SNW1: variants seen among roughly 807,000 people sequenced by gnomAD.
The protein encoded by SNW1 is SNW domain-containing protein 1.
Under a neutral mutation model 75.6 loss-of-function variants are expected in SNW1, and 9 were observed. The observed-to-expected ratio is 0.12, with a 90% CI of 0.07 to 0.21. The LOEUF (loss-of-function observed/expected upper bound fraction) is 0.21, where lower values mean the gene tolerates loss of function less well. SNW1 is among the 10% of genes least tolerant of loss of function. The pLI is 1.00. For missense variants in SNW1, 409 were observed against 670.9 expected, an observed-to-expected ratio of 0.61 and a Z score of 4.31; for synonymous variants, 200 against 219.1, an observed-to-expected ratio of 0.91 and a Z score of 0.77.
At chr14:77,738,683 T>C (rs1041003338) in intron 5 of SNW1, 95 bp downstream of exon 5, 1 of 817,160 alleles carries the variant, frequency 1.2e-6, no homozygotes, top group Non-Finnish European at 2.0e-6. Context: ...AATGCATTTA[T>C]AATGGTTGCT....
intron 3 of SNW1, among the ~76,000 whole-genome samples, chr14:77,743,135 G>A (rs1043732956): frequency 3.3e-5 from 5 of 151,614 alleles, no homozygotes; most frequent in Non-Finnish European, 4.4e-5. Context: ...TGAGGCAGGA[G>A]AATCACTTGA....
chr14:77,759,616 C>T (rs907131220), intron 1 of SNW1, among the ~76,000 whole-genome samples: 2 of 152,184 alleles, frequency 1.3e-5, no homozygotes, highest in African/African-American at 4.8e-5. Flanking sequence ...CATAACTTTA[C>T]TAGTCTATGA....
chr14:77,732,385 T>C, intron 9 of SNW1, 100 bp downstream of exon 9: 1 of 734,886 alleles, frequency 1.4e-6, no homozygotes. Flanking sequence ...TGAGACTCTC[T>C]TTGGGTGCTC....
At chr14:77,724,661 T>C (rs145751756) in intron 10 of SNW1, among the ~76,000 whole-genome samples, 7 of 152,316 alleles carry the variant, frequency 4.6e-5, no homozygotes, top group Non-Finnish European at 7.3e-5. Flanking sequence ...GTTCCATCCA[T>C]ATTGTTGCAA....
At position 77,734,934 on chromosome 14, in the gene SNW1, A is replaced by C; in HGVS notation, c.774+13T>G. On this transcript the variant is annotated intron_variant, in intron 8 of 13. Coordinates refer to ENST00000261531, the MANE Select transcript of SNW1 (RefSeq NM_012245.3). ...GGTTATACTAATAGAGACTGATTTGACAACTTAATTACCTTTGCATTTTTC... is the reference window on the plus strand; with the variant it reads ...GGTTATACTAATAGAGACTGATTTGCCAACTTAATTACCTTTGCATTTTTC... 3.2e-6 allele frequency: 5 copies of C among 1,584,070 alleles called. No homozygotes were observed. Among genetic ancestry groups the C allele is most frequent in the Non-Finnish European group, 4.3e-6 (5 of 1,153,252 alleles).
intron 10 of SNW1, among the ~76,000 whole-genome samples, chr14:77,724,723 T>C (rs183566054): frequency 2.4e-4 from 36 of 152,358 alleles, no homozygotes; most frequent in African/African-American, 3.8e-4. Context: ...ATTGTGTATA[T>C]AGACCACATT....
chr14:77,727,855 T>G, intron 10 of SNW1, among the ~76,000 whole-genome samples: 1 of 152,214 alleles, frequency 6.6e-6, no homozygotes, highest in South Asian at 2.1e-4. Flanking sequence ...GGTTTTCTTT[T>G]TTGTTGTATA....
intron 1 of SNW1, 148 bp downstream of exon 1, chr14:77,760,966 G>A: frequency 6.4e-7 from 1 of 1,572,350 alleles, no homozygotes; most frequent in Non-Finnish European, 8.7e-7. Context: ...AGTCGTAGCG[G>A]CGGCCAGCGG....
chr14:77,732,704 A>G, intron 8 of SNW1, 103 bp from the exon 9 acceptor site: 2 of 706,170 alleles, frequency 2.8e-6, no homozygotes, highest in Non-Finnish European at 4.8e-6. Flanking sequence ...TTGCTCTGTC[A>G]CCCTGGCTGG....
intron 8 of SNW1, among the ~76,000 whole-genome samples, chr14:77,732,875 G>A (rs1255597133): frequency 6.6e-6 from 1 of 152,188 alleles, no homozygotes. Flanking sequence ...TGTTGGCCAG[G>A]ATGGTTTTGA....
At chr14:77,726,419 A>G (rs764123526) in intron 10 of SNW1, among the ~76,000 whole-genome samples, 1 of 152,150 alleles carries the variant, frequency 6.6e-6, no homozygotes, top group Non-Finnish European at 1.5e-5. Flanking sequence ...TTGGCCTCCC[A>G]AAGTGTTGGG....
chr14:77,738,306 C>G (rs143463459), intron 5 of SNW1, among the ~76,000 whole-genome samples: 2 of 150,528 alleles, frequency 1.3e-5, no homozygotes, highest in African/African-American at 4.9e-5. Flanking sequence ...GTCCCCCACC[C>G]CAAAAAAAAG....
rs146108496 is a variant in SNW1 at position 77,718,613 on chromosome 14, T to C, written c.1249-83A>G. 682 of 900,044 alleles carry C rather than the reference T, an allele frequency of 7.6e-4. 9 individuals are homozygous for C. The East Asian group carries it at 0.015, about 20-fold the overall frequency. The allele number at this position is 900,044 out of a possible 1,614,324, so 55.8% of individuals were successfully genotyped here. ...ATCATAACATGTTTACAGTAAACCCTTGCTAATGTACAGCTCACATTTTCA... is the reference window on the plus strand; with the variant it reads ...ATCATAACATGTTTACAGTAAACCCCTGCTAATGTACAGCTCACATTTTCA... On this transcript the variant is annotated intron_variant, in intron 12 of 13. Coordinates refer to ENST00000261531, the MANE Select transcript of SNW1 (RefSeq NM_012245.3).
At chr14:77,758,187 G>A (rs1311699007) in intron 1 of SNW1, among the ~76,000 whole-genome samples, 1 of 151,806 alleles carries the variant, frequency 6.6e-6, no homozygotes, top group East Asian at 1.9e-4. Flanking sequence ...AAAATTAGCC[G>A]GGCGTGGTGG....
chr14:77,722,921 T>A, intron 11 of SNW1: 1 of 427,898 alleles, frequency 2.3e-6, no homozygotes, highest in Non-Finnish European at 4.3e-6. Context: ...CTCGGCTCAC[T>A]GCAAGCTCCA....
intron 8 of SNW1, among the ~76,000 whole-genome samples, chr14:77,733,321 G>A (rs1595079985): frequency 6.6e-6 from 1 of 152,264 alleles, no homozygotes; most frequent in East Asian, 1.9e-4. Context: ...CAGTTCAACA[G>A]TTGCTCCTCA....
At chr14:77,728,724 A>T (rs2080605635) in intron 10 of SNW1, among the ~76,000 whole-genome samples, 3 of 152,172 alleles carry the variant, frequency 2.0e-5, no homozygotes, top group Admixed American at 1.3e-4. Context: ...TAACCATGTG[A>T]CCTGCGCAGA....
chr14:77,758,950 C>T (rs1385610347), intron 1 of SNW1, among the ~76,000 whole-genome samples: 1 of 152,242 alleles, frequency 6.6e-6, no homozygotes, highest in Non-Finnish European at 1.5e-5. Flanking sequence ...CTCAGTCCCA[C>T]AAGACTGCCC....
At position 77,718,394 on chromosome 14, in the gene SNW1, T is replaced by A. The variant is rs763761734; in HGVS notation, c.1385A>T (p.Asp462Val). 1.2e-6 allele frequency: 2 copies of A among 1,614,174 alleles called. No individual in the cohort carries two copies. Among genetic ancestry groups the A allele is most frequent in the Admixed American group, 3.3e-5 (2 of 60,024 alleles). The change falls in exon 13 of 14, where the codon GAC becomes GTC. Residue 462 changes from aspartate (D) to valine (V), a missense_variant. By Grantham distance (152) the Asp-to-Val change is radical. Transcript: ENST00000261531. Reference sequence around the variant, plus strand: ...GTTGGTCTTTATTCTGGCTTCTAGGTCATCACCATACATGTCCTTGTCCAG... The same window carrying A: ...GTTGGTCTTTATTCTGGCTTCTAGGACATCACCATACATGTCCTTGTCCAG... ...KNLDKDMYGD[D>V]LEARIKTNRF...
Sources: gnomAD v4.1 joint callset for allele counts (sites outside exome capture counted in the v4.1 genomes callset) on GRCh38, gnomAD v4.1.1 for gene constraint, MANE v1.5 for transcripts, NCBI Gene and HGNC (gene_info 2026-07-23, HGNC 2026-07-21) for gene names.